Variants in FRMD5 observed in about 807,000 individuals in gnomAD.
FRMD5 encodes the protein FERM domain containing 5.
In FRMD5, 20 loss-of-function variants were observed where a neutral mutation model predicts 69.0. The observed-to-expected ratio is 0.29, with a 90% confidence interval of 0.20 to 0.42. The LOEUF is 0.42. FRMD5 is among the 10% of genes least tolerant of loss of function. The pLI is 1.00. For missense variants in FRMD5, 595 were observed against 708.6 expected (o/e 0.84, Z 1.82); for synonymous variants, 271 against 260.1 (o/e 1.04, Z -0.40).
In FRMD5 at chr15:43,872,723, C is replaced by T. The variant is rs1384596083; in HGVS notation, c.*1162G>A. On this transcript the variant is annotated 3_prime_UTR_variant, in exon 14 of 14. Transcript: ENST00000417257. ...TTTTAAAAGATTCTTTTCCTGGTCC[C>T]TTCTAAGGCTGTTGATCTTGGAATT... 6.2e-6 allele frequency: 1 copy of T among 160,172 alleles called. No homozygotes were observed. Among genetic ancestry groups the T allele is most frequent in the Non-Finnish European group, 1.4e-5 (1 of 72,968 alleles). The allele number at this position is 160,172 out of a possible 1,614,324, so 9.9% of individuals were successfully genotyped here. A position where few individuals can be genotyped will look rare whatever the true frequency, so the allele number is the denominator to read the frequency against.
intron 1 of FRMD5, among the ~76,000 whole-genome samples, chr15:43,999,967 T>TG (rs758750918): frequency 9.5e-5 from 4 of 42,018 alleles, no homozygotes; most frequent in Admixed American, 6.4e-4. Context: ...TATATATATA[T>TG]ATATATATAT....
chr15:44,106,434 C>T (rs930011299), intron 1 of FRMD5, among the ~76,000 whole-genome samples: 4 of 152,184 alleles, frequency 2.6e-5, no homozygotes, highest in African/African-American at 9.6e-5. Flanking sequence ...CAGAGGCCTG[C>T]TTGTGTTTGC....
intron 1 of FRMD5, among the ~76,000 whole-genome samples, chr15:43,964,538 T>C (rs1241084410): frequency 6.6e-6 from 1 of 150,502 alleles, no homozygotes; most frequent in Non-Finnish European, 1.5e-5. Context: ...GAAAAATGAG[T>C]GCTCATAATG....
intron 8 of FRMD5, among the ~76,000 whole-genome samples, chr15:43,889,551 G>C (rs1355606641): frequency 1.3e-5 from 2 of 152,174 alleles, no homozygotes; most frequent in Non-Finnish European, 2.9e-5. Context: ...CAGGATACTG[G>C]GGTACATCAC....
chr15:43,876,217 C>T (rs2088352341), intron 13 of FRMD5: 4 of 1,588,904 alleles, frequency 2.5e-6, no homozygotes, highest in East Asian at 2.3e-5. Context: ...CCCGCTTTTC[C>T]AGAACCACTT....
At chr15:43,921,212 A>G (rs571511513) in intron 2 of FRMD5, among the ~76,000 whole-genome samples, 3 of 152,346 alleles carry the variant, frequency 2.0e-5, no homozygotes, top group South Asian at 2.1e-4. Flanking sequence ...GAGGAGGCCT[A>G]TCTGTTCAGA....
At position 43,989,239 on chromosome 15, in the gene FRMD5, ATCT is replaced by A; in HGVS notation, c.103-64933_103-64931del. On this transcript the variant is annotated intron_variant, in intron 1 of 13. Coordinates refer to ENST00000417257, the MANE Select transcript of FRMD5 (RefSeq NM_032892.5). ...CATTGTGCTGGGCGCCAGGGTGGTG[ATCT>A]TCTGCATCCTATCGGCGATGCCAGG... 3.8e-6 allele frequency: 3 copies of A among 796,146 alleles called. No individual in the cohort carries two copies. The South Asian group carries it at 4.0e-5, about 11-fold the overall frequency. 49.3% of individuals were successfully genotyped at this position (796,146 alleles called of 1,614,324 possible).
chr15:43,991,014 A>G (rs1191220649), intron 1 of FRMD5, among the ~76,000 whole-genome samples: 1 of 152,232 alleles, frequency 6.6e-6, no homozygotes, highest in East Asian at 1.9e-4. Context: ...GATTTCAAAG[A>G]GAGCTCTGTA....
chr15:44,017,844 C>T (rs1463889094), intron 1 of FRMD5, among the ~76,000 whole-genome samples: 3 of 151,912 alleles, frequency 2.0e-5, no homozygotes, highest in African/African-American at 4.8e-5. Context: ...CTCCTAACCT[C>T]GTGATCCGCC....
intron 1 of FRMD5, among the ~76,000 whole-genome samples, chr15:44,048,402 T>C (rs1416579963): frequency 2.0e-5 from 3 of 152,232 alleles, no homozygotes; most frequent in Admixed American, 6.5e-5. Flanking sequence ...CCTTTTGTTA[T>C]TGGGCTATCT....
chr15:44,110,104 A>C (rs1395969486), intron 1 of FRMD5, among the ~76,000 whole-genome samples: 1 of 152,214 alleles, frequency 6.6e-6, no homozygotes, highest in Non-Finnish European at 1.5e-5. Context: ...CTTGTAAAAT[A>C]ACCTCCTTTC....
intron 1 of FRMD5, among the ~76,000 whole-genome samples, chr15:44,011,480 G>A (rs552907270): frequency 3.3e-5 from 5 of 152,240 alleles, no homozygotes; most frequent in Non-Finnish European, 4.4e-5. Context: ...GAAGAAGGTC[G>A]GACAGATGAT....
At chr15:44,151,558 G>A (rs1312771776) in intron 1 of FRMD5, among the ~76,000 whole-genome samples, 1 of 151,936 alleles carries the variant, frequency 6.6e-6, no homozygotes, top group African/African-American at 2.4e-5. Flanking sequence ...TAACCAAGGA[G>A]GTAAAAGATT....
intron 1 of FRMD5, among the ~76,000 whole-genome samples, chr15:44,011,914 T>A (rs1396896820): frequency 6.6e-6 from 1 of 152,188 alleles, no homozygotes; most frequent in Non-Finnish European, 1.5e-5. Flanking sequence ...CATTTTTCAC[T>A]AGACTTTTGG....
intron 1 of FRMD5, among the ~76,000 whole-genome samples, chr15:44,123,599 C>A (rs1410705225): frequency 6.6e-6 from 1 of 151,914 alleles, no homozygotes; most frequent in Non-Finnish European, 1.5e-5. Flanking sequence ...AATAAAGAAA[C>A]CAGAAAATCA....
chr15:44,180,100 C>G (rs1308862130), intron 1 of FRMD5, among the ~76,000 whole-genome samples: 1 of 147,940 alleles, frequency 6.8e-6, no homozygotes, highest in East Asian at 2.0e-4. Flanking sequence ...AAGAAAACAA[C>G]TCTGCAGTCA....
rs1319053668 is a variant in FRMD5 at position 43,874,142 on chromosome 15, G to A, written c.1456C>T (p.His486Tyr). 1 of 1,614,182 alleles carries A rather than the reference G, an allele frequency of 6.2e-7. No homozygotes were observed. The highest frequency in any genetic ancestry group is 2.2e-5 in the East Asian group (1 of 44,882). Reference sequence around the variant, plus strand: ...ACCTGTTCCTCCTCGGGCCCGCTGTGCCCCTGACACAGGGCCCTCAGCTCT... The same window carrying A: ...ACCTGTTCCTCCTCGGGCCCGCTGTACCCCTGACACAGGGCCCTCAGCTCT... The part of the protein sequence containing the change: ...GGELRALCQG[H>Y]SGPEEEQVNK... The change falls in exon 14 of 14, where the codon CAC (histidine) becomes TAC (tyrosine). Residue 486 changes from histidine to tyrosine, a missense_variant. By Grantham distance (83) the His-to-Tyr change is moderately conservative. This residue lies in a region of FRMD5 where 245 missense variants were observed against 227.1 expected (regional missense o/e 1.08). Coordinates refer to ENST00000417257, the MANE Select transcript of FRMD5 (RefSeq NM_032892.5).
intron 1 of FRMD5, among the ~76,000 whole-genome samples, chr15:44,077,873 T>C (rs1007946125): frequency 2.0e-5 from 3 of 152,158 alleles, no homozygotes; most frequent in African/African-American, 7.2e-5. Flanking sequence ...GAAGGACTTA[T>C]CTAAAAGCTC....
intron 4 of FRMD5, among the ~76,000 whole-genome samples, chr15:43,917,980 G>A (rs1278917720): frequency 6.6e-6 from 1 of 152,196 alleles, no homozygotes; most frequent in East Asian, 1.9e-4. Flanking sequence ...GGCCCATGCC[G>A]AAGAAGCCAC....
Sources: allele counts gnomAD v4.1 joint callset (sites outside exome capture counted in the v4.1 genomes callset), GRCh38; gene constraint gnomAD v4.1.1; regional missense constraint gnomAD v4.1.1; transcripts MANE v1.5; gene names NCBI Gene and HGNC (gene_info 2026-07-23, HGNC 2026-07-21).